GANAB: variants seen among roughly 807,000 people sequenced by gnomAD.
The protein encoded by GANAB is glucosidase II alpha subunit, also known as neutral alpha-glucosidase AB.
GANAB carries 35 observed loss-of-function variants against 129.9 expected under a neutral mutation model. That is an observed-to-expected ratio of 0.27 (90% CI 0.21 to 0.36). GANAB has a LOEUF of 0.36. Ranked by LOEUF, GANAB falls within the 10% of genes least tolerant of loss-of-function variation. The probability of loss-of-function intolerance (pLI) is 1.00; values close to 1 mark genes in which losing one functional copy is unlikely to be tolerated. For missense variants in GANAB, 939 were observed against 1,221.0 expected (o/e 0.77, Z 3.44); for synonymous variants, 482 against 451.8 (o/e 1.07, Z -0.85).
rs370275781 is a variant in GANAB, at chr11:62,630,494, G to A, written c.1398C>T (p.Ile466=). 4.6e-5 allele frequency: 74 copies of A among 1,614,020 alleles called. No homozygotes were observed. The highest frequency in any genetic ancestry group is 2.4e-4 in the South Asian group (22 of 91,092). ...LASKRRKLVA[I]VDPHIKVDSG... is the part of the protein sequence containing the mutation. ...AGTCCACCTTGATGTGGGGGTCTAC[G>A]ATGGCCACCAGCTGGGGGCAAGGAA... The change falls in exon 12 of 24, where the codon ATC becomes ATT. Residue 466 remains isoleucine, a synonymous_variant. Transcript: ENST00000356638.
intron 3 of GANAB, 118 bp downstream of exon 3, chr11:62,639,240 CA>C: frequency 7.6e-7 from 1 of 1,315,842 alleles, no homozygotes; most frequent in African/African-American, 1.5e-5. Context: ...CACATTTCTT[CA>C]TAAAGTAAAA....
chr11:62,643,211 T>C (rs1278580157), intron 1 of GANAB, among the ~76,000 whole-genome samples: 1 of 152,226 alleles, frequency 6.6e-6, no homozygotes, highest in East Asian at 1.9e-4. Flanking sequence ...AATTTTAATG[T>C]CTGTTAAGAA....
chr11:62,627,197 T>G, intron 18 of GANAB, 73 bp from the exon 19 acceptor site: 1 of 1,444,026 alleles, frequency 6.9e-7, no homozygotes, highest in African/African-American at 1.4e-5. Flanking sequence ...GTGCCTGCCC[T>G]CTGCACCACC....
chr11:62,643,777 C>T (rs1466565859), intron 1 of GANAB, among the ~76,000 whole-genome samples: 3 of 152,162 alleles, frequency 2.0e-5, no homozygotes, highest in African/African-American at 4.8e-5. Context: ...GATCGCACCA[C>T]TGCACTCTAG....
chr11:62,634,040 A>G, intron 5 of GANAB: 2 of 442,082 alleles, frequency 4.5e-6, no homozygotes, highest in Non-Finnish European at 8.1e-6. Flanking sequence ...GCTGAGAGTC[A>G]GGAACCCCAG....
intron 2 of GANAB, 24 bp downstream of exon 2, chr11:62,639,603 C>T (rs377067215): frequency 5.7e-5 from 88 of 1,547,606 alleles, no homozygotes; most frequent in Admixed American, 2.0e-4. Context: ...TACATTCCAT[C>T]CCTCTCCCCC....
At position 62,626,598 on chromosome 11, in the gene GANAB, G is replaced by C. The variant is rs201513450; in HGVS notation, c.2484C>G (p.Ile828Met). ...GAGGGCTAAGTGCAACAAAGAGAGT[G>C]ATGGGGTCATCCTTCATACATTCTG... ...RSSECMKDDP[I>M]TLFVALSPQG... The change falls in exon 21 of 24, where the codon ATC (isoleucine) becomes ATG (methionine). Residue 828 changes from isoleucine to methionine, a missense_variant. Physicochemically the swap from Ile to Met is conservative, Grantham distance 10 (BLOSUM62 1). This residue lies in a region of GANAB where 230 missense variants were observed against 259.9 expected (regional missense o/e 0.89). Coordinates refer to ENST00000356638, the MANE Select transcript of GANAB (RefSeq NM_198334.3). The C allele has an allele frequency of 7.1e-5, 115 of 1,610,844 alleles. No individual in the cohort carries two copies. The East Asian group carries it at 2.5e-3, about 35-fold the overall frequency.
At position 62,632,953 on chromosome 11, in the gene GANAB, C is replaced by A. The variant is rs1943757825; in HGVS notation, c.815+52G>T. 4 of 1,141,814 alleles carry A rather than the reference C, an allele frequency of 3.5e-6. No homozygotes were observed. The East Asian group carries it at 9.4e-5, about 27-fold the overall frequency. The allele number at this position is 1,141,814 out of a possible 1,614,324, so 70.7% of individuals were successfully genotyped here. A position where few individuals can be genotyped will look rare whatever the true frequency, so the allele number is the denominator to read the frequency against. ...ATATGCACACCCATCTCCCTAAAGG[C>A]CTGACTCCTTCCTGCCCACCTCCAT... On this transcript the variant is annotated intron_variant, in intron 8 of 23. Transcript: ENST00000356638.
chr11:62,638,938 G>A (rs1944090097), intron 4 of GANAB, 45 bp downstream of exon 4: 1 of 1,601,364 alleles, frequency 6.2e-7, no homozygotes, highest in Non-Finnish European at 8.5e-7. Context: ...TCATCAGGAA[G>A]GAGAAAGGGG....
intron 1 of GANAB, among the ~76,000 whole-genome samples, chr11:62,641,242 G>T (rs929074006): frequency 3.0e-4 from 46 of 151,086 alleles, no homozygotes; most frequent in African/African-American, 1.1e-3. Context: ...TACTCGGGAG[G>T]CTGAGGCATG....
Position 62,625,340 on chromosome 11 carries a change from T to G in GANAB, c.*475A>C. 2.2e-6 allele frequency: 1 copy of G among 449,718 alleles called. No individual in the cohort carries two copies. Among genetic ancestry groups the G allele is most frequent in the South Asian group, 1.6e-5 (1 of 63,780 alleles). The allele number at this position is 449,718 out of a possible 1,614,324, so 27.9% of individuals were successfully genotyped here. A position where few individuals can be genotyped will look rare whatever the true frequency, so the allele number is the denominator to read the frequency against. On this transcript the variant is annotated 3_prime_UTR_variant, in exon 24 of 24. Coordinates refer to ENST00000356638, the MANE Select transcript of GANAB (RefSeq NM_198334.3). ...TATCGGTGGGGCATAAAAAGGGGAG[T>G]AAAGCCTGGAGGAAGAAATGAAAGG...
At chr11:62,635,420 T>C (rs771508320) in intron 4 of GANAB, among the ~76,000 whole-genome samples, 1 of 152,030 alleles carries the variant, frequency 6.6e-6, no homozygotes, top group Non-Finnish European at 1.5e-5. Context: ...CCTCAGGTGA[T>C]CCACCCACCT....
intron 13 of GANAB, 120 bp from the exon 14 acceptor site, chr11:62,630,077 T>C (rs185187298): frequency 9.2e-6 from 12 of 1,300,582 alleles, no homozygotes; most frequent in Middle Eastern, 2.1e-4. Context: ...CCTCCCCGGA[T>C]CATCAAGGCC....
chr11:62,643,747 C>G (rs1258400116), intron 1 of GANAB, among the ~76,000 whole-genome samples: 3 of 152,152 alleles, frequency 2.0e-5, no homozygotes, highest in African/African-American at 7.2e-5. Flanking sequence ...GCCTGGGAGT[C>G]AGAGGTTGCA....
intron 17 of GANAB, among the ~76,000 whole-genome samples, chr11:62,628,188 C>G (rs1427339423): frequency 6.7e-6 from 1 of 149,664 alleles, no homozygotes; most frequent in Non-Finnish European, 1.5e-5. Flanking sequence ...TCATCTCACA[C>G]AGCCTTCTTC....
chr11:62,626,931 AC>A lies in GANAB; in HGVS notation c.2325del (p.Trp776GlyfsTer20), dbSNP rs1243616973. The A allele has an allele frequency of 6.2e-7, 1 of 1,609,208 alleles. No individual in the cohort carries two copies. The part of the protein sequence containing the change: ...VQVYLPGQGE[V>X]WYDIQSYQKH... ...TTCTGGTAGCTTTGAATGTCATACCACACCTGTGAGTGACAAAAGAGGTAAG... is the reference window on the plus strand; with the variant it reads ...TTCTGGTAGCTTTGAATGTCATACCAACCTGTGAGTGACAAAAGAGGTAAG... On this transcript the variant is annotated frameshift_variant and splice_region_variant, in exon 20 of 24. Transcript: ENST00000356638. LOFTEE classifies it high-confidence loss of function.
chr11:62,626,038 A>G (rs1472395843), intron 23 of GANAB, 27 bp downstream of exon 23: 1 of 1,565,366 alleles, frequency 6.4e-7, no homozygotes, highest in East Asian at 2.2e-5. Context: ...TCCTTCCCCC[A>G]TCCTAGGGGC....
intron 4 of GANAB, among the ~76,000 whole-genome samples, chr11:62,637,008 G>A (rs969553002): frequency 6.6e-6 from 1 of 151,780 alleles, no homozygotes; most frequent in Non-Finnish European, 1.5e-5. Flanking sequence ...AACAACAGAA[G>A]GTAAAAGACT....
rs1420935875 is a variant in GANAB at position 62,625,073 on chromosome 11, T to TA, written c.*741dup. 8.3e-6 allele frequency: 3 copies of TA among 363,422 alleles called. No homozygotes were observed. Among genetic ancestry groups the TA allele is most frequent in the Non-Finnish European group, 1.6e-5 (3 of 187,170 alleles). 22.5% of individuals were successfully genotyped at this position (363,422 alleles called of 1,614,324 possible). On this transcript the variant is annotated 3_prime_UTR_variant, in exon 24 of 24. Coordinates refer to ENST00000356638, the MANE Select transcript of GANAB (RefSeq NM_198334.3). Reference sequence around the variant, plus strand: ...GAAACCACAACTGATTTCTCCATCTTAAGTGCCCCTCAAAGGGGACAAGAA... The same window carrying TA: ...GAAACCACAACTGATTTCTCCATCTTAAAGTGCCCCTCAAAGGGGACAAGAA...
Sources: allele counts gnomAD v4.1 joint callset (sites outside exome capture counted in the v4.1 genomes callset), GRCh38; gene constraint gnomAD v4.1.1; regional missense constraint gnomAD v4.1.1; transcripts MANE v1.5; gene names NCBI Gene and HGNC (gene_info 2026-07-23, HGNC 2026-07-21).